Variants in LY75 observed in about 807,000 individuals in gnomAD.
LY75 encodes the protein C-type lectin domain family 13 member B.
LY75 carries 185 observed loss-of-function variants against 231.7 expected under a neutral mutation model. The ratio of observed to expected loss-of-function variants is 0.80; its 90% CI spans 0.71 to 0.90. LY75 has a LOEUF of 0.90. Among genes scored for constraint, LY75 ranks in the 40% least tolerant of loss-of-function variants. The pLI is 0.00. For missense variants in LY75, 1,947 were observed against 2,050.2 expected (o/e 0.95, Z 0.97); for synonymous variants, 668 against 689.0 (o/e 0.97, Z 0.48).
rs1163805643 is a variant in LY75 at position 159,893,938 on chromosome 2, T to G, written c.613A>C (p.Lys205Gln). 2 of 1,612,364 alleles carry G rather than the reference T, an allele frequency of 1.2e-6. No homozygotes were observed. Among genetic ancestry groups the G allele is most frequent in the African/African-American group, 2.7e-5 (2 of 74,810 alleles). Residue 205 changes from lysine (K) to glutamine (Q), a missense_variant, in exon 3 of 35, where the codon AAG becomes CAG. Physicochemically the swap from Lys to Gln is moderately conservative, Grantham distance 53 (BLOSUM62 1). Coordinates refer to ENST00000263636, the MANE Select transcript of LY75 (RefSeq NM_002349.4). ...CCAGGCTTTAAGCAGATGCCCCACTTTCGGTCATATTCATAATTTAAGGTG... is the reference window on the plus strand; with the variant it reads ...CCAGGCTTTAAGCAGATGCCCCACTGTCGGTCATATTCATAATTTAAGGTG... ...ATTLNYEYDR[K>Q]WGICLKPENG... is the part of the protein sequence containing the mutation.
At chr2:159,838,525 C>T (rs1683904823) in intron 25 of LY75, among the ~76,000 whole-genome samples, 1 of 152,160 alleles carries the variant, frequency 6.6e-6, no homozygotes, top group Admixed American at 6.5e-5. Flanking sequence ...ACTGGCATTA[C>T]AGGTGACTTT....
In LY75 at chr2:159,872,504, G is replaced by A. The variant is rs1233230850; in HGVS notation, c.2064C>T (p.Phe688=). The A allele has an allele frequency of 1.9e-6, 3 of 1,613,984 alleles. No homozygotes were observed. The highest frequency in any genetic ancestry group is 2.5e-6 in the Non-Finnish European group (3 of 1,179,934). The change falls in exon 13 of 35, where the codon TTC becomes TTT. Residue 688 remains phenylalanine, a synonymous_variant. Coordinates refer to ENST00000263636, the MANE Select transcript of LY75 (RefSeq NM_002349.4). ...CQALGAHLSS[F]SHVDEIKEFL... is the part of the protein sequence containing the mutation. ...ATTCCTTTATTTCATCCACATGGCT[G>A]AAGCTAGAAAGGTGTGCTCCAAGGG...
chr2:159,810,870 T>C (rs1261137329), intron 31 of LY75, among the ~76,000 whole-genome samples, 195 bp from the exon 32 acceptor site: 3 of 152,200 alleles, frequency 2.0e-5, no homozygotes, highest in African/African-American at 7.2e-5. Flanking sequence ...TTAAAAAACC[T>C]AGGTGATAGA....
Position 159,852,189 on chromosome 2 carries a change from TTC to T in LY75, c.2883+10_2883+11del. Reference sequence around the variant, plus strand: ...CAATCATTGTTGCATAATGTAGCAATTCTCTTTTTACCTTATTCTGAAAAGGA... The same window carrying T: ...CAATCATTGTTGCATAATGTAGCAATTCTTTTTACCTTATTCTGAAAAGGA... On this transcript the variant is annotated intron_variant, in intron 21 of 34. Transcript: ENST00000263636. The T allele has an allele frequency of 1.9e-6, 3 of 1,612,440 alleles. No homozygotes were observed. The highest frequency in any genetic ancestry group is 2.5e-6 in the Non-Finnish European group (3 of 1,179,142).
chr2:159,821,532 C>A (rs1010335754), intron 28 of LY75, among the ~76,000 whole-genome samples: 8 of 150,986 alleles, frequency 5.3e-5, no homozygotes, highest in Non-Finnish European at 1.2e-4. Context: ...TGGAGAACTG[C>A]TTGAACCTAG....
Position 159,842,371 on chromosome 2 carries a change from A to G in LY75, c.3154T>C (p.Phe1052Leu), listed in dbSNP as rs149774118. 2.7e-5 allele frequency: 44 copies of G among 1,607,400 alleles called. No individual in the cohort carries two copies. The highest frequency in any genetic ancestry group is 1.8e-4 in the Admixed American group (11 of 59,666). ...CAGTGGTAGCGAGACTCTTCCTCAA[A>G]AAACTAAACAAAAAGGCAAATACAT... ...SGRLRIPENF[F>L]EEESRYHCAL... Residue 1052 changes from phenylalanine to leucine, a missense_variant, in exon 24 of 35, where the codon TTT (phenylalanine) becomes CTT (leucine). Transcript: ENST00000263636.
chr2:159,825,200 T>C (rs1039979807), intron 28 of LY75, among the ~76,000 whole-genome samples: 2 of 151,962 alleles, frequency 1.3e-5, no homozygotes, highest in African/African-American at 4.8e-5. Flanking sequence ...ATAAAATAGA[T>C]AGACCACTAG....
At chr2:159,854,626 G>A (rs1684495750) in intron 17 of LY75, 91 bp from the exon 18 acceptor site, 3 of 1,433,536 alleles carry the variant, frequency 2.1e-6, no homozygotes, top group Non-Finnish European at 2.8e-6. Context: ...ACTATAAATA[G>A]TAATTCAGAT....
Position 159,875,612 on chromosome 2 carries a change from A to C in LY75, c.1806T>G (p.Thr602=). ...ASPGGCVAMS[T]GKSVGKWEVK... ...CCTCCCACTTTCCAACAGACTTTCC[A>C]GTAGACATAGCCACGCAGCCGCCCG... Residue 602 remains threonine (T), a synonymous_variant, in exon 12 of 35, where the codon ACT becomes ACG. Coordinates refer to ENST00000263636, the MANE Select transcript of LY75 (RefSeq NM_002349.4). 6.2e-7 allele frequency: 1 copy of C among 1,614,042 alleles called. No homozygotes were observed. Among genetic ancestry groups the C allele is most frequent in the South Asian group, 1.1e-5 (1 of 91,082 alleles).
At chr2:159,873,744 A>T in intron 12 of LY75, among the ~76,000 whole-genome samples, 1 of 128,706 alleles carries the variant, frequency 7.8e-6, no homozygotes, top group East Asian at 2.0e-4. Flanking sequence ...AAATATATAC[A>T]TTTTGTAAAA....
intron 10 of LY75, 60 bp from the exon 11 acceptor site, chr2:159,878,553 C>A: frequency 6.2e-7 from 1 of 1,611,542 alleles, no homozygotes; most frequent in East Asian, 2.2e-5. Flanking sequence ...TTTGAAGATG[C>A]ACCTTTTACT....
At chr2:159,845,560 C>T (rs1275545023) in intron 23 of LY75, among the ~76,000 whole-genome samples, 1 of 150,748 alleles carries the variant, frequency 6.6e-6, no homozygotes, top group Non-Finnish European at 1.5e-5. Flanking sequence ...TTTTTTTTGT[C>T]TGTACTGAAC....
At chr2:159,834,862 T>C (rs764638248) in intron 26 of LY75, among the ~76,000 whole-genome samples, 7 of 152,218 alleles carry the variant, frequency 4.6e-5, no homozygotes, top group Non-Finnish European at 8.8e-5. Context: ...CCTTTGTCCA[T>C]GAAGCAGTGT....
chr2:159,817,881 C>T (rs1318450021), intron 29 of LY75, among the ~76,000 whole-genome samples: 1 of 152,002 alleles, frequency 6.6e-6, no homozygotes, highest in East Asian at 1.9e-4. Context: ...AACCCCGTCT[C>T]TACCAAAAAT....
At chr2:159,893,637 T>C (rs1685824018) in intron 3 of LY75, among the ~76,000 whole-genome samples, 1 of 152,160 alleles carries the variant, frequency 6.6e-6, no homozygotes, top group African/African-American at 2.4e-5. Context: ...AATTTCCTAA[T>C]TGTGCATGCC....
rs149328508 is a variant in LY75 at position 159,805,962 on chromosome 2, G to A, written c.4991-740C>T. On this transcript the variant is annotated intron_variant, in intron 34 of 34. Transcript: ENST00000263636. ...CCTACCTTTCAGTTCTTCCCTGAGC[G>A]CTCAGCCAACTTGTTCTGCCTTAGG... Among the ~76,000 whole-genome samples, 81 of 152,148 alleles carry A rather than the reference G, an allele frequency of 5.3e-4. No homozygotes were observed. In the East Asian group the frequency reaches 9.7e-3, roughly 18 times the overall value.
In LY75 at chr2:159,904,580, C is replaced by T. The variant is rs1001479963; in HGVS notation, c.94+9G>A. ...CAGCGGACTGCGGGGCTGGCGTGCC[C>T]GCGGTTACCTGCGCGGCCAGAGGGC... On this transcript the variant is annotated intron_variant, in intron 1 of 34. Transcript: ENST00000263636. 4.6e-6 allele frequency: 7 copies of T among 1,506,372 alleles called. No homozygotes were observed. In the African/African-American group the frequency reaches 5.8e-5, roughly 12 times the overall value. 93.3% of individuals were successfully genotyped at this position (1,506,372 alleles called of 1,614,324 possible). A position where few individuals can be genotyped will look rare whatever the true frequency, so the allele number is the denominator to read the frequency against.
intron 11 of LY75, among the ~76,000 whole-genome samples, chr2:159,876,512 T>C (rs911093667): frequency 3.9e-5 from 6 of 152,174 alleles, no homozygotes; most frequent in African/African-American, 1.4e-4. Flanking sequence ...GTGCTATTTT[T>C]CCCTGTTCAG....
intron 23 of LY75, among the ~76,000 whole-genome samples, chr2:159,843,050 T>C (rs1338177604): frequency 2.6e-5 from 4 of 152,070 alleles, no homozygotes; most frequent in Non-Finnish European, 4.4e-5. Context: ...AAAATTGGTA[T>C]GAGTAAAACT....
Sources: gnomAD v4.1 joint callset for allele counts (sites outside exome capture counted in the v4.1 genomes callset) on GRCh38, gnomAD v4.1.1 for gene constraint, MANE v1.5 for transcripts, NCBI Gene and HGNC (gene_info 2026-07-23, HGNC 2026-07-21) for gene names.